BANP: variants seen among roughly 807,000 people sequenced by gnomAD.
BANP encodes the protein BTG3 associated nuclear protein.
In BANP, 11 loss-of-function variants were observed where a neutral mutation model predicts 68.1. The ratio of observed to expected loss-of-function variants is 0.16; its 90% CI spans 0.10 to 0.27. BANP has a LOEUF of 0.27. Ranked by LOEUF, BANP falls within the 10% of genes least tolerant of loss-of-function variation. BANP has a pLI of 1.00. For missense variants in BANP, 504 were observed against 722.7 expected (o/e 0.70, Z 3.47); for synonymous variants, 329 against 303.2 (o/e 1.09, Z -0.88).
chr16:87,951,218 G>A (rs1261253976), upstream of BANP, among the ~76,000 whole-genome samples: 1 of 152,224 alleles, frequency 6.6e-6, no homozygotes, highest in Non-Finnish European at 1.5e-5. Context: ...CAGGCCATGG[G>A]CGTGGGCGAA....
chr16:88,058,406 T>G lies in BANP; in HGVS notation c.1312-6861T>G, dbSNP rs577592412. 5.1e-3 allele frequency among the ~76,000 whole-genome samples: 775 copies of G among 152,040 alleles called. 4 individuals are homozygous for G. Among genetic ancestry groups the G allele is most frequent in the Non-Finnish European group, 7.1e-3 (485 of 67,958 alleles). On this transcript the variant is annotated intron_variant, in intron 11 of 13. Transcript: ENST00000682872. Reference sequence around the variant, plus strand: ...TTCCTGGGCCCTGTAAGGCCTTAGGTGTAAAAATGGGGCTTGGTCCGCAGC... The same window carrying G: ...TTCCTGGGCCCTGTAAGGCCTTAGGGGTAAAAATGGGGCTTGGTCCGCAGC...
chr16:87,974,254 A>C (rs2145739607), intron 1 of BANP, among the ~76,000 whole-genome samples: 1 of 152,348 alleles, frequency 6.6e-6, no homozygotes, highest in East Asian at 1.9e-4. Flanking sequence ...CATAGTTTGA[A>C]TGATGCAGCC....
intron 12 of BANP, among the ~76,000 whole-genome samples, chr16:88,070,375 T>C (rs2089997640): frequency 6.6e-6 from 1 of 152,098 alleles, no homozygotes; most frequent in Non-Finnish European, 1.5e-5. Flanking sequence ...GTAGGGGCCG[T>C]CGGGTAAAGA....
Position 88,002,123 on chromosome 16 carries a change from G to A in BANP, c.363-2172G>A, listed in dbSNP as rs546347319. On this transcript the variant is annotated intron_variant, in intron 4 of 13. Coordinates refer to ENST00000682872, the MANE Select transcript of BANP (RefSeq NM_001386991.1). The surrounding 1 kb of genome is among the most constrained non-coding windows in gnomAD (Gnocchi z 4.6). ...AATCAATGGATGATTATGTTTGACT[G>A]CTTAGATGAGACAGGATTCCATGTT... is the stretch of plus-strand genomic sequence containing the variant. Among the ~76,000 whole-genome samples the A allele has an allele frequency of 6.6e-6, 1 of 152,246 alleles. No homozygotes were observed. Among genetic ancestry groups the A allele is most frequent in the Admixed American group, 6.5e-5 (1 of 15,292 alleles).
intron 11 of BANP, among the ~76,000 whole-genome samples, chr16:88,042,962 A>G (rs2081179618): frequency 6.6e-6 from 1 of 152,242 alleles, no homozygotes; most frequent in Non-Finnish European, 1.5e-5. Context: ...AAAAATTAAA[A>G]TACTTAAAAA....
At position 88,064,452 on chromosome 16, in the gene BANP, A is replaced by G. The variant is rs550330921; in HGVS notation, c.1312-815A>G. Among the ~76,000 whole-genome samples, 8 of 152,336 alleles carry G rather than the reference A, an allele frequency of 5.3e-5. No individual in the cohort carries two copies. Among genetic ancestry groups the G allele is most frequent in the African/African-American group, 1.9e-4 (8 of 41,586 alleles). ...TGTGCGCATTCACTTAGGGTCCAAGAAATGAGTGGGCCTTGAATGAGCAAA... is the reference window on the plus strand; with the variant it reads ...TGTGCGCATTCACTTAGGGTCCAAGGAATGAGTGGGCCTTGAATGAGCAAA... On this transcript the variant is annotated intron_variant, in intron 11 of 13. Coordinates refer to ENST00000682872, the MANE Select transcript of BANP (RefSeq NM_001386991.1). The surrounding 1 kb of genome is among the most constrained non-coding windows in gnomAD (Gnocchi z 4.5).
chr16:87,993,173 T>G (rs1011071294), intron 4 of BANP, among the ~76,000 whole-genome samples: 1 of 152,248 alleles, frequency 6.6e-6, no homozygotes, highest in African/African-American at 2.4e-5. Context: ...TCAGCAGGAC[T>G]CAGTGCTTAA....
At chr16:88,056,524 GT>G (rs889582048) in intron 11 of BANP, among the ~76,000 whole-genome samples, 18 of 150,790 alleles carry the variant, frequency 1.2e-4, no homozygotes, top group African/African-American at 4.4e-4. Context: ...CACTTTCAGT[GT>G]TTTACTCAGT....
At chr16:88,029,382 G>A (rs2077643752) in intron 8 of BANP, among the ~76,000 whole-genome samples, 1 of 151,374 alleles carries the variant, frequency 6.6e-6, no homozygotes, top group Non-Finnish European at 1.5e-5. Context: ...GGCCAAGGCG[G>A]GCAGATCATG....
At chr16:87,959,585 C>G (rs2058729686) in intron 1 of BANP, among the ~76,000 whole-genome samples, 1 of 152,236 alleles carries the variant, frequency 6.6e-6, no homozygotes, top group Admixed American at 6.5e-5. Flanking sequence ...CTGGCGTCAG[C>G]CACAGAAGGG....
At position 88,036,573 on chromosome 16, in the gene BANP, C is replaced by T. The variant is rs894828448; in HGVS notation, c.1272+1179C>T. Among the ~76,000 whole-genome samples, 16 of 152,048 alleles carry T rather than the reference C, an allele frequency of 1.1e-4. No homozygotes were observed. Among genetic ancestry groups the T allele is most frequent in the South Asian group, 2.1e-4 (1 of 4,810 alleles). The stretch of plus-strand genomic sequence containing the variant: ...CTTTAATTTGGACACCAGCAGTTCC[C>T]GGTGGGTTATCCTGAGAGGGGAGCA... On this transcript the variant is annotated intron_variant, in intron 10 of 13. Coordinates refer to ENST00000682872, the MANE Select transcript of BANP (RefSeq NM_001386991.1). The surrounding 1 kb of genome is among the most constrained non-coding windows in gnomAD (Gnocchi z 4.2).
chr16:87,994,641 T>G (rs2066720911), intron 4 of BANP, among the ~76,000 whole-genome samples: 2 of 152,200 alleles, frequency 1.3e-5, no homozygotes, highest in African/African-American at 4.8e-5. Flanking sequence ...TTTTTATGAC[T>G]TTTTAATCTT....
rs2062557029 is a variant in BANP at position 87,978,169 on chromosome 16, C to A, written c.71-2867C>A. Reference sequence around the variant, plus strand: ...ATATCTTTAAAATGAACAAGGAGTTCTTTTGTCGAATTCTAAAAGTAATGC... The same window carrying A: ...ATATCTTTAAAATGAACAAGGAGTTATTTTGTCGAATTCTAAAAGTAATGC... On this transcript the variant is annotated intron_variant, in intron 2 of 13. Transcript: ENST00000682872. Among the ~76,000 whole-genome samples the A allele has an allele frequency of 2.0e-5, 3 of 152,178 alleles. No individual in the cohort carries two copies. The South Asian group carries it at 6.2e-4, about 31-fold the overall frequency.
intron 12 of BANP, among the ~76,000 whole-genome samples, chr16:88,070,015 T>C (rs752330243): frequency 1.2e-3 from 181 of 152,008 alleles, no homozygotes; most frequent in South Asian, 2.1e-3. Flanking sequence ...AGGATGACGA[T>C]CCACTTCCGC....
chr16:88,028,196 T>C (rs1232173633), intron 8 of BANP, among the ~76,000 whole-genome samples: 1 of 152,216 alleles, frequency 6.6e-6, no homozygotes, highest in South Asian at 2.1e-4. Flanking sequence ...TCTCAAAATA[T>C]TTTAGTAAGT....
At chr16:87,952,609 CAAAT>C (rs921120720) in intron 1 of BANP, 2 of 152,138 alleles carry the variant, frequency 1.3e-5, no homozygotes, top group African/African-American at 4.8e-5. Flanking sequence ...CAGGAAACGT[CAAAT>C]AAAAACTGGA....
rs1037952883 is a variant in BANP at position 88,057,236 on chromosome 16, C to T, written c.1312-8031C>T. Among the ~76,000 whole-genome samples the T allele has an allele frequency of 4.6e-5, 7 of 152,154 alleles. No homozygotes were observed. The highest frequency in any genetic ancestry group is 1.7e-4 in the African/African-American group (7 of 41,424). ...GGATGCTTCGAAGTGGGGTACGGGC[C>T]AGCCGCCAAGAGCTCACCCAGCGCG... On this transcript the variant is annotated intron_variant, in intron 11 of 13. Coordinates refer to ENST00000682872, the MANE Select transcript of BANP (RefSeq NM_001386991.1). This position sits in a 1 kb window ranked among gnomAD's most constrained non-coding sequence, Gnocchi z 4.6.
chr16:88,062,749 A>G (rs1271261674), intron 11 of BANP, among the ~76,000 whole-genome samples: 1 of 152,226 alleles, frequency 6.6e-6, no homozygotes, highest in African/African-American at 2.4e-5. Flanking sequence ...TGCTCCAGAC[A>G]TAAAGCCGGC....
chr16:87,965,935 G>A (rs565125873), intron 1 of BANP, among the ~76,000 whole-genome samples: 37 of 152,212 alleles, frequency 2.4e-4, no homozygotes, highest in African/African-American at 7.9e-4. Flanking sequence ...CAGTTGGAGC[G>A]TCCCTGCTCT....
Sources: allele counts gnomAD v4.1 joint callset (sites outside exome capture counted in the v4.1 genomes callset), GRCh38; gene constraint gnomAD v4.1.1; non-coding constraint Gnocchi (gnomAD v3.1); transcripts MANE v1.5; gene names NCBI Gene and HGNC (gene_info 2026-07-23, HGNC 2026-07-21).